GSE1: variants seen among roughly 807,000 people sequenced by gnomAD.
GSE1 encodes the protein Gse1 coiled-coil protein, also known as genetic suppressor element 1.
Under a neutral mutation model 112.6 loss-of-function variants are expected in GSE1, and 32 were observed. The ratio of observed to expected loss-of-function variants is 0.28; its 90% CI spans 0.21 to 0.38. The LOEUF (loss-of-function observed/expected upper bound fraction) is 0.38. GSE1 is among the 10% of genes least tolerant of loss of function. The pLI is 1.00. For missense variants in GSE1, 2,348 were observed against 1,699.2 expected, an observed-to-expected ratio of 1.38 and a Z score of -6.71; for synonymous variants, 1,115 against 735.6, an observed-to-expected ratio of 1.52 and a Z score of -8.35.
intron 2 of GSE1, among the ~76,000 whole-genome samples, chr16:85,548,497 G>C (rs2044784550): frequency 6.6e-6 from 1 of 152,086 alleles, no homozygotes; most frequent in Non-Finnish European, 1.5e-5. Flanking sequence ...ATCATGCAGT[G>C]TTTGCCTTTC....
At chr16:85,572,094 T>A (rs1015593055) in intron 1 of GSE1, among the ~76,000 whole-genome samples, 1 of 137,418 alleles carries the variant, frequency 7.3e-6, no homozygotes, top group Non-Finnish European at 1.6e-5. Context: ...ACACCCCACA[T>A]ACCACACACA....
chr16:85,462,827 T>G (rs2050009684), intron 2 of GSE1, among the ~76,000 whole-genome samples: 2 of 140,512 alleles, frequency 1.4e-5, no homozygotes, highest in Non-Finnish European at 3.1e-5. Context: ...GGGGGCGGCG[T>G]GAGCGGCTGC....
At chr16:85,642,761 C>T (rs150318380) in intron 2 of GSE1, among the ~76,000 whole-genome samples, 92 of 152,324 alleles carry the variant, frequency 6.0e-4, no homozygotes, top group Non-Finnish European at 9.1e-4. Context: ...TGGGGTGGGT[C>T]GGGGCCGTGC....
chr16:85,265,690 G>C (rs1458283684), intron 1 of GSE1, among the ~76,000 whole-genome samples: 3 of 152,186 alleles, frequency 2.0e-5, no homozygotes, highest in Non-Finnish European at 4.4e-5. Context: ...TTTGGGGCAG[G>C]TTCTGGTTTT....
chr16:85,339,042 G>A (rs933798410), intron 1 of GSE1, among the ~76,000 whole-genome samples: 1 of 152,128 alleles, frequency 6.6e-6, no homozygotes. Flanking sequence ...ACCCCCCACC[G>A]CTGTGACTGT....
chr16:85,434,868 G>A (rs2049207877), intron 2 of GSE1, among the ~76,000 whole-genome samples: 1 of 152,228 alleles, frequency 6.6e-6, no homozygotes, highest in African/African-American at 2.4e-5. Flanking sequence ...CAGGGGCTGG[G>A]CTTGCCCATC....
chr16:85,601,062 C>T (rs1287603274), intron 1 of GSE1, among the ~76,000 whole-genome samples: 1 of 152,000 alleles, frequency 6.6e-6, no homozygotes, highest in Non-Finnish European at 1.5e-5. Flanking sequence ...AATTTTAAGC[C>T]AGGGCTTGAA....
chr16:85,382,822 A>G (rs577113144), intron 2 of GSE1, among the ~76,000 whole-genome samples: 4 of 151,078 alleles, frequency 2.6e-5, no homozygotes, highest in African/African-American at 7.3e-5. Context: ...ACACACATGC[A>G]CAAACACACT....
chr16:85,515,432 G>A (rs973823514), intron 2 of GSE1, among the ~76,000 whole-genome samples: 2 of 152,230 alleles, frequency 1.3e-5, no homozygotes, highest in Non-Finnish European at 2.9e-5. Flanking sequence ...TGCTTCTTTA[G>A]CTTCGGGGCC....
intron 1 of GSE1, among the ~76,000 whole-genome samples, chr16:85,183,714 G>T (rs1170819461): frequency 6.6e-6 from 1 of 152,200 alleles, no homozygotes; most frequent in African/African-American, 2.4e-5. Flanking sequence ...CACCTACGTG[G>T]ATGCCCCCCT....
intron 3 of GSE1, among the ~76,000 whole-genome samples, chr16:85,650,991 A>C (rs1392991219): frequency 1.3e-5 from 2 of 149,478 alleles, no homozygotes; most frequent in Non-Finnish European, 3.0e-5. Context: ...CTGACTATGG[A>C]ACCCTTGCTC....
chr16:85,315,244 C>T (rs2045962567), intron 1 of GSE1, among the ~76,000 whole-genome samples: 1 of 152,180 alleles, frequency 6.6e-6, no homozygotes, highest in African/African-American at 2.4e-5. Flanking sequence ...CGGGAGGCCA[C>T]ACAGCTCTGC....
chr16:85,427,789 G>A (rs530950290), intron 2 of GSE1, among the ~76,000 whole-genome samples: 39 of 152,320 alleles, frequency 2.6e-4, no homozygotes, highest in African/African-American at 7.5e-4. Flanking sequence ...CCCAGATCGC[G>A]CCACTGCACT....
At chr16:85,444,435 G>C (rs934917174) in intron 2 of GSE1, among the ~76,000 whole-genome samples, 2 of 152,128 alleles carry the variant, frequency 1.3e-5, no homozygotes, top group African/African-American at 2.4e-5. Context: ...GCCTGAGTTC[G>C]CACTGCAGGA....
intron 1 of GSE1, among the ~76,000 whole-genome samples, chr16:85,560,110 C>G (rs2045439576): frequency 7.5e-6 from 1 of 133,988 alleles, no homozygotes; most frequent in African/African-American, 2.8e-5. Flanking sequence ...AGTCACAGAG[C>G]TTTTTTTTCT....
intron 1 of GSE1, among the ~76,000 whole-genome samples, chr16:85,561,217 G>C (rs535988558): frequency 8.9e-4 from 136 of 152,210 alleles, no homozygotes; most frequent in African/African-American, 3.1e-3. Flanking sequence ...TGCTTCCTCA[G>C]AACAGCTCTG....
At chr16:85,516,728 G>A (rs2051953662) in intron 2 of GSE1, among the ~76,000 whole-genome samples, 2 of 151,794 alleles carry the variant, frequency 1.3e-5, no homozygotes, top group African/African-American at 2.4e-5. Flanking sequence ...GGAGCCAGGT[G>A]GTATTCGTAG....
intron 2 of GSE1, among the ~76,000 whole-genome samples, chr16:85,548,090 G>T (rs1405680608): frequency 6.6e-6 from 1 of 151,676 alleles, no homozygotes; most frequent in South Asian, 2.1e-4. Flanking sequence ...TTAGCTGGGC[G>T]TGGTGGCGCA....
At chr16:85,472,666 G>C (rs140552080) in intron 2 of GSE1, among the ~76,000 whole-genome samples, 26 of 152,348 alleles carry the variant, frequency 1.7e-4, no homozygotes, top group Non-Finnish European at 3.2e-4. Flanking sequence ...CCCCCTGTTG[G>C]AGCCCCAGGC....
Sources: gnomAD v4.1 joint callset for allele counts (sites outside exome capture counted in the v4.1 genomes callset) on GRCh38, gnomAD v4.1.1 for gene constraint, MANE v1.5 for transcripts, NCBI Gene and HGNC (gene_info 2026-07-23, HGNC 2026-07-21) for gene names.